The following RXFP1 variants were observed in gnomAD, a reference collection of about 807,000 sequenced individuals.
The protein encoded by RXFP1 is relaxin receptor 1.
RXFP1 carries 73 observed loss-of-function variants against 89.8 expected under a neutral mutation model. That is an observed-to-expected ratio of 0.81 (90% CI 0.67 to 0.99). The LOEUF (loss-of-function observed/expected upper bound fraction) is 0.99. Ranked by LOEUF, RXFP1 falls within the 50% of genes least tolerant of loss-of-function variation. RXFP1 has a pLI of 0.00. For missense variants in RXFP1, 793 were observed against 895.5 expected (o/e 0.89, Z 1.46); for synonymous variants, 277 against 305.5 (o/e 0.91, Z 0.97).
chr4:158,628,864 A>C (rs1302915541), intron 11 of RXFP1, among the ~76,000 whole-genome samples, 155 bp downstream of exon 11: 1 of 151,828 alleles, frequency 6.6e-6, no homozygotes, highest in Non-Finnish European at 1.5e-5. Flanking sequence ...AGGAATTCAG[A>C]TGGCATACAA....
intron 9 of RXFP1, among the ~76,000 whole-genome samples, chr4:158,619,777 C>T (rs995908436): frequency 2.6e-5 from 4 of 152,000 alleles, no homozygotes; most frequent in Non-Finnish European, 5.9e-5. Context: ...TCCATTACTT[C>T]CATAGGAGGA....
chr4:158,522,143 T>C (rs544707411), intron 1 of RXFP1, 118 bp downstream of exon 1: 7 of 618,396 alleles, frequency 1.1e-5, no homozygotes, highest in Non-Finnish European at 2.0e-5. Flanking sequence ...CTGATAAAAT[T>C]GTAATCTCAC....
intron 2 of RXFP1, among the ~76,000 whole-genome samples, chr4:158,575,400 T>C (rs1755982918): frequency 6.6e-6 from 1 of 152,152 alleles, no homozygotes; most frequent in African/African-American, 2.4e-5. Context: ...TTAACAGGAT[T>C]CCATGAGATA....
chr4:158,551,287 G>T (rs965750614), intron 1 of RXFP1, among the ~76,000 whole-genome samples: 1 of 152,270 alleles, frequency 6.6e-6, no homozygotes. Context: ...GTAGAGAGTC[G>T]AGTGGGGAGT....
intron 14 of RXFP1, among the ~76,000 whole-genome samples, chr4:158,642,531 A>G (rs554063864): frequency 6.6e-6 from 1 of 152,328 alleles, no homozygotes; most frequent in South Asian, 2.1e-4. Flanking sequence ...ATATATGAGA[A>G]CATGAGGTGT....
At chr4:158,611,524 G>T (rs1478410529) in intron 6 of RXFP1, among the ~76,000 whole-genome samples, 1 of 152,126 alleles carries the variant, frequency 6.6e-6, no homozygotes, top group Non-Finnish European at 1.5e-5. Context: ...ATTACCTGGT[G>T]ATTTCTTAAC....
chr4:158,573,041 GCT>G, intron 2 of RXFP1: 1 of 666,058 alleles, frequency 1.5e-6, no homozygotes, highest in Non-Finnish European at 2.2e-6. Flanking sequence ...ACGGAGTCTC[GCT>G]CTGTTGCCAG....
intron 2 of RXFP1, among the ~76,000 whole-genome samples, chr4:158,587,392 C>T (rs1758506190): frequency 6.6e-6 from 1 of 152,134 alleles, no homozygotes; most frequent in Admixed American, 6.6e-5. Flanking sequence ...ATTTGCAATA[C>T]TTTCATTGAT....
In RXFP1 at chr4:158,568,006, T is replaced by G. The variant is rs540542148; in HGVS notation, c.50-4692T>G. Among the ~76,000 whole-genome samples, 4 of 152,182 alleles carry G rather than the reference T, an allele frequency of 2.6e-5. No individual in the cohort carries two copies. The South Asian group carries it at 8.3e-4, about 31-fold the overall frequency. ...AGATGTAACACTCACCTCTAAGGTA[T>G]AAAGCTTCACTCCTGAAGCCATCAA... On this transcript the variant is annotated intron_variant, in intron 1 of 17. Coordinates refer to ENST00000307765, the MANE Select transcript of RXFP1 (RefSeq NM_021634.4).
At chr4:158,637,229 T>C (rs1315738102) in intron 12 of RXFP1, among the ~76,000 whole-genome samples, 2 of 152,222 alleles carry the variant, frequency 1.3e-5, no homozygotes, top group East Asian at 1.9e-4. Flanking sequence ...CTCTTTAATA[T>C]ACTGATTTTA....
intron 12 of RXFP1, among the ~76,000 whole-genome samples, chr4:158,635,356 T>C (rs1304458996): frequency 2.0e-5 from 3 of 152,248 alleles, no homozygotes; most frequent in Non-Finnish European, 4.4e-5. Context: ...CTGATTTTTG[T>C]GTGTTAATTT....
intron 11 of RXFP1, among the ~76,000 whole-genome samples, chr4:158,631,268 T>C (rs1224293869): frequency 6.6e-6 from 1 of 152,236 alleles, no homozygotes; most frequent in African/African-American, 2.4e-5. Context: ...ATTGCTTTAC[T>C]AATATGATCA....
At chr4:158,558,080 C>T (rs1751692558) in intron 1 of RXFP1, among the ~76,000 whole-genome samples, 1 of 152,216 alleles carries the variant, frequency 6.6e-6, no homozygotes. Context: ...CTAATACCTG[C>T]ATTACATACC....
intron 1 of RXFP1, among the ~76,000 whole-genome samples, chr4:158,563,433 T>A (rs906621762): frequency 5.9e-5 from 9 of 151,574 alleles, no homozygotes; most frequent in African/African-American, 2.2e-4. Flanking sequence ...CTCAAAGACT[T>A]TAATTCATTT....
rs1194175456 is a variant in RXFP1, at chr4:158,552,142, GA to G, written c.50-20553del. On this transcript the variant is annotated intron_variant, in intron 1 of 17. Transcript: ENST00000307765. ...AGGAATGGAAATAAGGTGTGAAATGGAAATGCTGTTAAGAAGAAATACAACT... is the reference window on the plus strand; with the variant it reads ...AGGAATGGAAATAAGGTGTGAAATGGAATGCTGTTAAGAAGAAATACAACT... 5.3e-5 allele frequency among the ~76,000 whole-genome samples: 8 copies of G among 152,138 alleles called. No homozygotes were observed. The East Asian group carries it at 1.5e-3, about 29-fold the overall frequency.
intron 1 of RXFP1, among the ~76,000 whole-genome samples, chr4:158,542,110 T>TATATATATATATATATATATA (rs56793848): frequency 2.9e-4 from 4 of 13,698 alleles, no homozygotes; most frequent in Admixed American, 1.4e-3. Flanking sequence ...TATATATATA[T>TATATATATATATATATATATA]TTTTTTTTTA....
intron 2 of RXFP1, among the ~76,000 whole-genome samples, chr4:158,580,839 C>A (rs1291763477): frequency 6.6e-6 from 1 of 152,146 alleles, no homozygotes; most frequent in Non-Finnish European, 1.5e-5. Flanking sequence ...GCTCTATCAC[C>A]CAGACTGGAG....
rs1411754078 is a variant in RXFP1, at chr4:158,547,322, T to G, written c.49+25297T>G. On this transcript the variant is annotated intron_variant, in intron 1 of 17. Transcript: ENST00000307765. ...GCCCTTTATCATTTTTTATTGCATC[T>G]ATTTGATTCTTCTGTCTTTTCTTCT... 3.9e-5 allele frequency among the ~76,000 whole-genome samples: 6 copies of G among 152,318 alleles called. No homozygotes were observed. The East Asian group carries it at 1.2e-3, about 29-fold the overall frequency.
intron 9 of RXFP1, among the ~76,000 whole-genome samples, chr4:158,624,663 T>C (rs1766350299): frequency 6.6e-6 from 1 of 152,110 alleles, no homozygotes; most frequent in Non-Finnish European, 1.5e-5. Context: ...TTGTTGTTAT[T>C]TTGATTTTGT....
Sources: gnomAD v4.1 joint callset for allele counts (sites outside exome capture counted in the v4.1 genomes callset) on GRCh38, gnomAD v4.1.1 for gene constraint, MANE v1.5 for transcripts, NCBI Gene and HGNC (gene_info 2026-07-23, HGNC 2026-07-21) for gene names.